The following PTBP3 variants were observed in gnomAD, a reference collection of about 807,000 sequenced individuals.
PTBP3 encodes polypyrimidine tract binding protein 3.
PTBP3 carries 20 observed loss-of-function variants against 58.7 expected under a neutral mutation model. The observed-to-expected ratio is 0.34, with a 90% confidence interval of 0.24 to 0.50. The LOEUF (loss-of-function observed/expected upper bound fraction) is 0.50, where lower values mean the gene tolerates loss of function less well. Among genes scored for constraint, PTBP3 ranks in the 20% least tolerant of loss-of-function variants. PTBP3 has a pLI of 0.98. For synonymous variants in PTBP3, 185 were observed against 219.8 expected (o/e 0.84, Z 1.40); for missense variants, 509 against 637.2 (o/e 0.80, Z 2.17).
At chr9:112,338,074 T>C (rs1830590421), upstream of PTBP3, among the ~76,000 whole-genome samples, 1 of 152,210 alleles carries the variant, frequency 6.6e-6, no homozygotes, top group Non-Finnish European at 1.5e-5. Context: ...GGTTACATGC[T>C]GTATGATTCC....
At chr9:112,266,682 A>G (rs993069770) in intron 4 of PTBP3, among the ~76,000 whole-genome samples, 9 of 152,200 alleles carry the variant, frequency 5.9e-5, no homozygotes, top group Admixed American at 2.6e-4. Flanking sequence ...ATTTGTTGTA[A>G]TAAACCCATG....
chr9:112,230,497 G>T (rs1441027721), intron 10 of PTBP3, among the ~76,000 whole-genome samples: 1 of 151,974 alleles, frequency 6.6e-6, no homozygotes, highest in African/African-American at 2.4e-5. Flanking sequence ...GATAAAACAT[G>T]ACAAAAATTG....
intron 1 of PTBP3, among the ~76,000 whole-genome samples, chr9:112,327,402 C>CA (rs1053905742): frequency 1.0e-4 from 15 of 150,588 alleles, no homozygotes; most frequent in African/African-American, 3.2e-4. Context: ...ACTAAAAATA[C>CA]AAAAAAAAAT....
the PTBP3 span, among the ~76,000 whole-genome samples, chr9:112,364,333 A>T: frequency 6.6e-6 from 1 of 152,282 alleles, no homozygotes; most frequent in East Asian, 1.9e-4. Flanking sequence ...GCAAAAGAGC[A>T]TACTAACCTT....
At chr9:112,340,800 C>T in the PTBP3 span, among the ~76,000 whole-genome samples, 3 of 151,708 alleles carry the variant, frequency 2.0e-5, no homozygotes, top group Non-Finnish European at 2.9e-5. Context: ...TGTTTGAACC[C>T]GGGAGGCGGA....
intron 7 of PTBP3, among the ~76,000 whole-genome samples, chr9:112,237,311 A>G (rs1835473548): frequency 6.6e-6 from 1 of 152,234 alleles, no homozygotes; most frequent in African/African-American, 2.4e-5. Context: ...GTGGATTCAT[A>G]TCTTCATTTC....
intron 1 of PTBP3, among the ~76,000 whole-genome samples, chr9:112,302,368 C>A (rs1272463791): frequency 1.3e-5 from 2 of 151,974 alleles, no homozygotes; most frequent in African/African-American, 4.8e-5. Flanking sequence ...AAAGCGCAAA[C>A]ACCTTTCTAC....
the PTBP3 span, among the ~76,000 whole-genome samples, chr9:112,375,138 C>T: frequency 6.6e-6 from 1 of 152,224 alleles, no homozygotes; most frequent in Non-Finnish European, 1.5e-5. Context: ...ATCCTATCCA[C>T]TTGATTATTA....
intron 5 of PTBP3, among the ~76,000 whole-genome samples, chr9:112,257,732 G>A (rs1273670025): frequency 6.6e-6 from 1 of 152,180 alleles, no homozygotes; most frequent in African/African-American, 2.4e-5. Context: ...CTGAGGTCAG[G>A]AGTTCGAGAC....
At chr9:112,300,700 C>A (rs10119851) in intron 1 of PTBP3, among the ~76,000 whole-genome samples, 73,459 of 151,812 alleles carry the variant, frequency 0.48, 18,087 homozygotes, top group African/African-American at 0.57. Flanking sequence ...TGCAGTGAGC[C>A]GAGATCACGC....
In PTBP3 at chr9:112,332,127, G is replaced by C. The variant is rs117121817; in HGVS notation, c.-52+1343C>G. Among the ~76,000 whole-genome samples, 329 of 152,166 alleles carry C rather than the reference G, an allele frequency of 2.2e-3. 1 individual carries two copies. Among genetic ancestry groups the C allele is most frequent in the Non-Finnish European group, 3.8e-3 (259 of 68,012 alleles). ...AAACTTCAATCAAACAATAAAAACAGCTTCAATTCCCCCCCAAAATATATA... is the reference window on the plus strand; with the variant it reads ...AAACTTCAATCAAACAATAAAAACACCTTCAATTCCCCCCCAAAATATATA... On this transcript the variant is annotated intron_variant, in intron 1 of 13. Transcript: ENST00000374257.
intron 1 of PTBP3, chr9:112,330,376 G>T (rs1830318634): frequency 1.7e-6 from 2 of 1,201,552 alleles, no homozygotes; most frequent in East Asian, 4.8e-5. Context: ...TTTATGAACA[G>T]GTGAGACTGA....
chr9:112,352,360 T>C, the PTBP3 span, among the ~76,000 whole-genome samples: 11 of 152,190 alleles, frequency 7.2e-5, no homozygotes, highest in Admixed American at 2.6e-4. Flanking sequence ...TGTCATAGGA[T>C]TTTAATCTTC....
rs1834828322 is a variant in PTBP3 at position 112,222,105 on chromosome 9, A to ATATTCTT, written c.*1739_*1745dup. The ATATTCTT allele has an allele frequency of 1.0e-6, 1 of 985,212 alleles. No individual in the cohort carries two copies. Among genetic ancestry groups the ATATTCTT allele is most frequent in the African/African-American group, 1.7e-5 (1 of 57,244 alleles). 61.0% of individuals were successfully genotyped at this position (985,212 alleles called of 1,614,324 possible). On this transcript the variant is annotated 3_prime_UTR_variant, in exon 14 of 14. Coordinates refer to ENST00000374257, the MANE Select transcript of PTBP3 (RefSeq NM_001163788.4). ...GGCGCACACCACCATGCCCAGCAAG[A>ATATTCTT]TATTCTTTATTCTTTTAAAAGTTGA...
intron 1 of PTBP3, among the ~76,000 whole-genome samples, chr9:112,307,358 G>A (rs1186584594): frequency 6.6e-6 from 1 of 152,104 alleles, no homozygotes; most frequent in African/African-American, 2.4e-5. Flanking sequence ...GGGGGCTGAG[G>A]TGGGAGGATT....
intron 6 of PTBP3, 29 bp downstream of exon 6, chr9:112,252,649 T>C (rs374467964): frequency 1.4e-5 from 21 of 1,488,422 alleles, no homozygotes; most frequent in East Asian, 6.8e-5. Context: ...TGATTAACAA[T>C]TGAAAAATGA....
intron 3 of PTBP3, among the ~76,000 whole-genome samples, chr9:112,275,138 T>TA (rs908678606): frequency 4.6e-5 from 2 of 43,950 alleles, no homozygotes; most frequent in Non-Finnish European, 3.7e-5. Context: ...CTATACTTTT[T>TA]ATTTTTTTTT....
At chr9:112,266,481 C>G (rs764404151) in intron 4 of PTBP3, among the ~76,000 whole-genome samples, 1 of 152,130 alleles carries the variant, frequency 6.6e-6, no homozygotes, top group Non-Finnish European at 1.5e-5. Context: ...TGTGTCCCAG[C>G]AATTTCATAC....
At chr9:112,356,015 CTTTCCTTCTTCT>C in the PTBP3 span, among the ~76,000 whole-genome samples, 2 of 149,932 alleles carry the variant, frequency 1.3e-5, no homozygotes, top group African/African-American at 4.9e-5. Flanking sequence ...TTCCTTCCTT[CTTTCCTTCTTCT>C]TTTCCTTCTT....
Sources: gnomAD v4.1 joint callset for allele counts (sites outside exome capture counted in the v4.1 genomes callset) on GRCh38, gnomAD v4.1.1 for gene constraint, MANE v1.5 for transcripts, NCBI Gene and HGNC (gene_info 2026-07-23, HGNC 2026-07-21) for gene names.